The following GRIA4 variants were observed in gnomAD, a reference collection of about 807,000 sequenced individuals.
GRIA4 encodes glutamate ionotropic receptor AMPA type subunit 4.
A neutral mutation model predicts 104.0 loss-of-function variants in GRIA4; 34 were observed. The observed-to-expected ratio is 0.33, with a 90% CI of 0.25 to 0.44. GRIA4 has a LOEUF of 0.44. GRIA4 is among the 20% of genes least tolerant of loss of function. The pLI, the probability that GRIA4 is intolerant of heterozygous loss-of-function variation, is 1.00. For synonymous variants in GRIA4, 386 were observed against 381.9 expected, an observed-to-expected ratio of 1.01 and a Z score of -0.13; for missense variants, 750 against 1,096.5, an observed-to-expected ratio of 0.68 and a Z score of 4.46.
intron 4 of GRIA4, among the ~76,000 whole-genome samples, chr11:105,802,896 T>G (rs899529064): frequency 9.9e-5 from 15 of 151,850 alleles, no homozygotes; most frequent in Admixed American, 3.9e-4. Flanking sequence ...TTATGTAATA[T>G]TTTATACACA....
chr11:105,724,510 T>C (rs1292274946), intron 3 of GRIA4, among the ~76,000 whole-genome samples: 2 of 151,980 alleles, frequency 1.3e-5, no homozygotes, highest in African/African-American at 2.4e-5. Context: ...GTGGAGACCA[T>C]TATCTGAACT....
chr11:105,834,969 TAAGATC>T (rs916782544), intron 4 of GRIA4, among the ~76,000 whole-genome samples: 3 of 152,082 alleles, frequency 2.0e-5, no homozygotes, highest in African/African-American at 7.2e-5. Flanking sequence ...AATATATGTA[TAAGATC>T]AGGGAATAAG....
At chr11:105,722,457 G>A (rs1197737491) in intron 3 of GRIA4, among the ~76,000 whole-genome samples, 1 of 152,034 alleles carries the variant, frequency 6.6e-6, no homozygotes, top group African/African-American at 2.4e-5. Flanking sequence ...TAACCCAATT[G>A]TAAGTAGAGA....
rs2136176112 is a variant in GRIA4, at chr11:105,914,918, T to C, written c.1270-3794T>C. On this transcript the variant is annotated intron_variant, in intron 10 of 16. Coordinates refer to ENST00000282499, the MANE Select transcript of GRIA4 (RefSeq NM_000829.4). ...TCTGGAATTTATTATATTGAAAAGATTTTGTATTTTCTTCCCCCATAGTAG... is the reference window on the plus strand; with the variant it reads ...TCTGGAATTTATTATATTGAAAAGACTTTGTATTTTCTTCCCCCATAGTAG... 1.3e-5 allele frequency among the ~76,000 whole-genome samples: 2 copies of C among 152,222 alleles called. 1 individual carries two copies. Among genetic ancestry groups the C allele is most frequent in the South Asian group, 4.1e-4 (2 of 4,828 alleles).
At chr11:105,645,801 T>C (rs897011311) in intron 3 of GRIA4, among the ~76,000 whole-genome samples, 5 of 152,132 alleles carry the variant, frequency 3.3e-5, no homozygotes, top group East Asian at 1.9e-4. Context: ...TGATCGAACA[T>C]AGAAATAATT....
intron 3 of GRIA4, among the ~76,000 whole-genome samples, chr11:105,745,651 T>C (rs1044010780): frequency 6.6e-6 from 1 of 152,212 alleles, no homozygotes; most frequent in African/African-American, 2.4e-5. Flanking sequence ...GTTTTATCTG[T>C]AAAATATAGT....
At chr11:105,855,432 A>G (rs1396746246) in intron 4 of GRIA4, among the ~76,000 whole-genome samples, 1 of 152,162 alleles carries the variant, frequency 6.6e-6, no homozygotes, top group Non-Finnish European at 1.5e-5. Context: ...TGAGCTTTAT[A>G]TAATGTGATA....
intron 4 of GRIA4, among the ~76,000 whole-genome samples, chr11:105,765,627 C>T (rs896244783): frequency 1.3e-5 from 2 of 152,204 alleles, no homozygotes; most frequent in African/African-American, 2.4e-5. Context: ...TCATTCCAAA[C>T]CTTTAAAACA....
chr11:105,941,994 A>T (rs1231721733), intron 14 of GRIA4, among the ~76,000 whole-genome samples: 1 of 152,148 alleles, frequency 6.6e-6, no homozygotes, highest in Non-Finnish European at 1.5e-5. Flanking sequence ...TTGCAACTAG[A>T]ACCACAAAAA....
chr11:105,846,976 C>T (rs967584762), intron 4 of GRIA4, among the ~76,000 whole-genome samples: 2 of 152,284 alleles, frequency 1.3e-5, no homozygotes, highest in Non-Finnish European at 2.9e-5. Flanking sequence ...GGCAACGGTC[C>T]CCAATCTTTT....
intron 11 of GRIA4, among the ~76,000 whole-genome samples, chr11:105,921,359 A>C (rs1339844943): frequency 6.9e-6 from 1 of 145,460 alleles, no homozygotes; most frequent in African/African-American, 2.6e-5. Context: ...GTTTTAGTCC[A>C]AGGGAATAAT....
intron 6 of GRIA4, among the ~76,000 whole-genome samples, chr11:105,895,137 A>T (rs1946604728): frequency 6.6e-6 from 1 of 152,174 alleles, no homozygotes; most frequent in South Asian, 2.1e-4. Context: ...AAATAAACAA[A>T]ACACTCTCCT....
At chr11:105,768,731 A>C (rs1445073103) in intron 4 of GRIA4, among the ~76,000 whole-genome samples, 2 of 152,040 alleles carry the variant, frequency 1.3e-5, no homozygotes, top group African/African-American at 4.8e-5. Context: ...CCATTGGATT[A>C]AACAAATGTT....
intron 4 of GRIA4, among the ~76,000 whole-genome samples, chr11:105,777,993 A>G (rs1347834901): frequency 6.6e-6 from 1 of 152,176 alleles, no homozygotes; most frequent in African/African-American, 2.4e-5. Context: ...TACATTCTTC[A>G]TATTTTCCTA....
intron 11 of GRIA4, among the ~76,000 whole-genome samples, chr11:105,923,849 A>G (rs1309067975): frequency 5.9e-5 from 9 of 152,186 alleles, no homozygotes; most frequent in East Asian, 1.9e-4. Flanking sequence ...ATCGTCAAAC[A>G]ACGGATTTTC....
At chr11:105,970,336 T>A (rs1858620547) in intron 14 of GRIA4, among the ~76,000 whole-genome samples, 1 of 151,138 alleles carries the variant, frequency 6.6e-6, no homozygotes, top group African/African-American at 2.4e-5. Context: ...CAAAAAAAAA[T>A]GGGTTTTAGT....
chr11:105,806,402 T>G (rs1184150961), intron 4 of GRIA4, among the ~76,000 whole-genome samples: 1 of 151,792 alleles, frequency 6.6e-6, no homozygotes, highest in African/African-American at 2.4e-5. Context: ...AGTTGAAGAA[T>G]GGAGGTACCA....
intron 5 of GRIA4, among the ~76,000 whole-genome samples, chr11:105,877,081 A>G (rs1260468362): frequency 2.0e-5 from 3 of 151,340 alleles, no homozygotes; most frequent in East Asian, 1.9e-4. Context: ...TTAGTGCTTC[A>G]GCAGCTCTTG....
Position 105,753,065 on chromosome 11 carries a change from G to A in GRIA4, c.332G>A (p.Ser111Asn), listed in dbSNP as rs1250647501. Reference sequence around the variant, plus strand: ...GTACATACCTTGACCTCATTCTGCAGCGCCTTACATATCTCCCTCATCACA... The same window carrying A: ...GTACATACCTTGACCTCATTCTGCAACGCCTTACATATCTCCCTCATCACA... ...RSVHTLTSFC[S>N]ALHISLITPS... Residue 111 changes from serine to asparagine, a missense_variant, in exon 4 of 17, where the codon AGC becomes AAC. Around this residue, in one of 3 missense-constraint regions of GRIA4, gnomAD observed 410 missense variants for 502.7 expected, o/e 0.82. Transcript: ENST00000282499. 6.2e-7 allele frequency: 1 copy of A among 1,613,714 alleles called. No homozygotes were observed. Among genetic ancestry groups the A allele is most frequent in the Non-Finnish European group, 8.5e-7 (1 of 1,179,852 alleles).
Sources: allele counts gnomAD v4.1 joint callset (sites outside exome capture counted in the v4.1 genomes callset), GRCh38; gene constraint gnomAD v4.1.1; regional missense constraint gnomAD v4.1.1; transcripts MANE v1.5; gene names NCBI Gene and HGNC (gene_info 2026-07-23, HGNC 2026-07-21).